MOSMO: variants seen among roughly 807,000 people sequenced by gnomAD.
MOSMO encodes the protein modulator of smoothened protein.
MOSMO carries 5 observed loss-of-function variants against 18.4 expected under a neutral mutation model. That is an observed-to-expected ratio of 0.27 (90% CI 0.14 to 0.57). The LOEUF (loss-of-function observed/expected upper bound fraction) is 0.57, where lower values mean the gene tolerates loss of function less well. Ranked by LOEUF, MOSMO falls within the 20% of genes least tolerant of loss-of-function variation. MOSMO has a pLI of 0.92. For synonymous variants in MOSMO, 82 were observed against 82.3 expected (o/e 1.00, Z 0.02); for missense variants, 138 against 211.8 (o/e 0.65, Z 2.16).
At chr16:22,059,835 G>T (rs1287326368) in intron 1 of MOSMO, among the ~76,000 whole-genome samples, 1 of 152,106 alleles carries the variant, frequency 6.6e-6, no homozygotes, top group East Asian at 1.9e-4. Context: ...CCATATCAAT[G>T]GGGTTTTCCC....
intron 1 of MOSMO, among the ~76,000 whole-genome samples, chr16:22,013,887 G>T (rs911738867): frequency 4.0e-5 from 6 of 151,126 alleles, no homozygotes; most frequent in East Asian, 2.0e-4. Context: ...GTTTGGGGGG[G>T]GGGAATCTCA....
At chr16:22,031,800 A>G (rs1185857007) in intron 1 of MOSMO, among the ~76,000 whole-genome samples, 3 of 152,212 alleles carry the variant, frequency 2.0e-5, no homozygotes, top group Non-Finnish European at 4.4e-5. Context: ...GACTATTACA[A>G]ATAACGCCTC....
chr16:22,018,874 T>G (rs1899695856), intron 1 of MOSMO, among the ~76,000 whole-genome samples: 2 of 152,112 alleles, frequency 1.3e-5, no homozygotes, highest in Non-Finnish European at 2.9e-5. Flanking sequence ...TGAGTAAAGG[T>G]AGAGAGGAGG....
intron 1 of MOSMO, among the ~76,000 whole-genome samples, chr16:22,067,455 AG>A (rs1900768935): frequency 6.6e-6 from 1 of 152,232 alleles, no homozygotes. Context: ...TGAAGGGAGC[AG>A]GAAAACAGTG....
chr16:22,092,473 G>GC, downstream of MOSMO: 1 of 752,334 alleles, frequency 1.3e-6, no homozygotes. Context: ...CCTGCCCCGA[G>GC]CTGCAGTGGT....
At chr16:22,015,517 A>G (rs564667715) in intron 1 of MOSMO, among the ~76,000 whole-genome samples, 4 of 152,292 alleles carry the variant, frequency 2.6e-5, no homozygotes, top group Admixed American at 2.0e-4. Flanking sequence ...AAAGTGATTA[A>G]AGATGTTTTT....
chr16:22,065,236 C>G (rs893321027), intron 1 of MOSMO, among the ~76,000 whole-genome samples: 6 of 152,080 alleles, frequency 3.9e-5, no homozygotes, highest in African/African-American at 1.4e-4. Context: ...TAATAGTTGT[C>G]TTTTAAATCG....
At position 22,018,663 on chromosome 16, in the gene MOSMO, G is replaced by GA. The variant is rs200049278; in HGVS notation, c.106+10262dup. On this transcript the variant is annotated intron_variant, in intron 1 of 2. Transcript: ENST00000542527. The stretch of plus-strand genomic sequence containing the variant: ...TCAGAGAGATTATGTTTAAGCAAAT[G>GA]AAAAAAGTCCTTGAGGTACCCTATA... 4.6e-5 allele frequency among the ~76,000 whole-genome samples: 7 copies of GA among 152,264 alleles called. No homozygotes were observed. In the East Asian group the frequency reaches 1.3e-3, roughly 29 times the overall value.
intron 1 of MOSMO, among the ~76,000 whole-genome samples, chr16:22,074,086 C>CT (rs2141778511): frequency 6.6e-6 from 1 of 152,292 alleles, no homozygotes; most frequent in East Asian, 1.9e-4. Flanking sequence ...AAGCACCCTC[C>CT]TTCCAGCAGC....
At position 22,008,160 on chromosome 16, in the gene MOSMO, AGGGCGCGAGCGGCGCGCGGGGGCCGAGG is replaced by A. The variant is rs1485946948; in HGVS notation, c.-132_-105del. On this transcript the variant is annotated 5_prime_UTR_variant, in exon 1 of 3. Coordinates refer to ENST00000542527, the MANE Select transcript of MOSMO (RefSeq NM_001164579.2). ...GCGGCTGCTGGTCCCGGGCGCGCGGAGGGCGCGAGCGGCGCGCGGGGGCCGAGGGGGCGCGAGGCAGCGGCGCGGGGAC... is the reference window on the plus strand; with the variant it reads ...GCGGCTGCTGGTCCCGGGCGCGCGGAGGGCGCGAGGCAGCGGCGCGGGGAC... The A allele has an allele frequency of 5.9e-5, 10 of 168,956 alleles. No homozygotes were observed. Among genetic ancestry groups the A allele is most frequent in the Non-Finnish European group, 6.8e-5 (6 of 88,332 alleles). The allele number at this position is 168,956 out of a possible 1,614,324, so 10.5% of individuals were successfully genotyped here.
intron 1 of MOSMO, among the ~76,000 whole-genome samples, chr16:22,059,712 AT>A (rs1200720598): frequency 2.0e-5 from 3 of 152,196 alleles, no homozygotes; most frequent in Non-Finnish European, 4.4e-5. Context: ...CGAGAACAGC[AT>A]GGGGGAAATC....
At chr16:22,063,815 T>G (rs867246089) in intron 1 of MOSMO, among the ~76,000 whole-genome samples, 3 of 152,222 alleles carry the variant, frequency 2.0e-5, no homozygotes, top group Non-Finnish European at 2.9e-5. Flanking sequence ...ACTATCACTG[T>G]GCTTACAAAA....
chr16:22,066,303 A>C (rs1900746911), intron 1 of MOSMO, among the ~76,000 whole-genome samples: 1 of 152,216 alleles, frequency 6.6e-6, no homozygotes, highest in African/African-American at 2.4e-5. Context: ...GTTGTTCAGC[A>C]TCACAGGTTC....
intron 1 of MOSMO, among the ~76,000 whole-genome samples, chr16:22,055,198 C>G (rs1309873762): frequency 6.6e-6 from 1 of 152,154 alleles, no homozygotes; most frequent in Non-Finnish European, 1.5e-5. Flanking sequence ...GCTGTTTCCA[C>G]TGGGTAGCAT....
At chr16:22,013,389 G>T (rs1237345890) in intron 1 of MOSMO, among the ~76,000 whole-genome samples, 2 of 152,118 alleles carry the variant, frequency 1.3e-5, no homozygotes, top group East Asian at 3.8e-4. Context: ...GTGGCTGGAG[G>T]TTTTCCCAGA....
At chr16:22,024,018 TTCTTAAGAAACTTA>T (rs375842365) in intron 1 of MOSMO, among the ~76,000 whole-genome samples, 6,605 of 149,250 alleles carry the variant, frequency 0.044, 634 homozygotes, top group East Asian at 0.4. Flanking sequence ...TATATATATT[TTCTTAAGAAACTTA>T]GTTTATCCAA....
At chr16:22,067,908 T>G (rs1470217867) in intron 1 of MOSMO, among the ~76,000 whole-genome samples, 1 of 150,742 alleles carries the variant, frequency 6.6e-6, no homozygotes, top group African/African-American at 2.4e-5. Flanking sequence ...AAAAAATCAC[T>G]GTCAATCAGT....
At chr16:22,034,402 G>A (rs2141997582) in intron 1 of MOSMO, among the ~76,000 whole-genome samples, 1 of 152,164 alleles carries the variant, frequency 6.6e-6, no homozygotes, top group East Asian at 1.9e-4. Context: ...AAACTTTCTG[G>A]TGAAGAATTC....
At chr16:22,054,754 T>C (rs1900499639) in intron 1 of MOSMO, among the ~76,000 whole-genome samples, 1 of 151,962 alleles carries the variant, frequency 6.6e-6, no homozygotes, top group African/African-American at 2.4e-5. Context: ...CAAAAGTCAG[T>C]GTCTGTACCC....
Sources: allele counts gnomAD v4.1 joint callset (sites outside exome capture counted in the v4.1 genomes callset), GRCh38; gene constraint gnomAD v4.1.1; transcripts MANE v1.5; gene names NCBI Gene and HGNC (gene_info 2026-07-23, HGNC 2026-07-21).